PFKFB3: variants seen among roughly 807,000 people sequenced by gnomAD.
PFKFB3 encodes the protein 6-phosphofructo-2-kinase/fructose-2,6-bisphosphatase 3.
Under a neutral mutation model 68.0 loss-of-function variants are expected in PFKFB3, and 33 were observed. That is an observed-to-expected ratio of 0.49 (90% CI 0.37 to 0.65). The LOEUF is 0.65. Among genes scored for constraint, PFKFB3 ranks in the 30% least tolerant of loss-of-function variants. The pLI is 0.00. For synonymous variants in PFKFB3, 315 were observed against 288.2 expected, an observed-to-expected ratio of 1.09 and a Z score of -0.94; for missense variants, 586 against 712.2, an observed-to-expected ratio of 0.82 and a Z score of 2.02.
intron 1 of PFKFB3, among the ~76,000 whole-genome samples, chr10:6,183,247 C>T (rs1484629218): frequency 1.3e-5 from 2 of 152,212 alleles, no homozygotes; most frequent in East Asian, 3.8e-4. Context: ...ATAAGCCACA[C>T]AGGAGAAAAG....
chr10:6,148,466 G>A (rs890053958), intron 1 of PFKFB3, among the ~76,000 whole-genome samples: 13 of 152,330 alleles, frequency 8.5e-5, no homozygotes, highest in African/African-American at 2.9e-4. Flanking sequence ...AGCAGCAGCT[G>A]ACAGTGGCAG....
Position 6,203,381 on chromosome 10 carries a change from G to A in PFKFB3, c.76+45G>A, listed in dbSNP as rs748292796. ...GCCGGGTTGCAGGGCGGGCTGCGCC[G>A]GGCCGGGCCATTGTGTGGGGCGGCT... On this transcript the variant is annotated intron_variant, in intron 1 of 14. Transcript: ENST00000379775. 4.0e-6 allele frequency: 6 copies of A among 1,497,588 alleles called. No homozygotes were observed. In the African/African-American group the frequency reaches 5.8e-5, roughly 14 times the overall value. 92.8% of individuals were successfully genotyped at this position (1,497,588 alleles called of 1,614,324 possible). A position where few individuals can be genotyped will look rare whatever the true frequency, so the allele number is the denominator to read the frequency against.
At chr10:6,212,219 C>T (rs941206990) in intron 1 of PFKFB3, among the ~76,000 whole-genome samples, 12 of 152,262 alleles carry the variant, frequency 7.9e-5, no homozygotes, top group African/African-American at 2.7e-4. Flanking sequence ...TCATCTGGCC[C>T]TGGAGCTTGC....
chr10:6,167,839 T>C lies in PFKFB3; in HGVS notation c.16+22826T>C, dbSNP rs1315254790. The stretch of plus-strand genomic sequence containing the variant: ...TCCTACGCCCTTAGGTGTTAAGGAA[T>C]TGGATATCTATGGAGATAGCCAGCC... On this transcript the variant is annotated intron_variant, in intron 1 of 14. Coordinates refer to the PFKFB3 transcript ENST00000379789. Among the ~76,000 whole-genome samples the C allele has an allele frequency of 2.0e-5, 3 of 152,202 alleles. No homozygotes were observed. The East Asian group carries it at 5.8e-4, about 29-fold the overall frequency.
At chr10:6,231,064 ACAACTGTC>A (rs1845707526) in intron 14 of PFKFB3, among the ~76,000 whole-genome samples, 2 of 152,080 alleles carry the variant, frequency 1.3e-5, no homozygotes, top group Non-Finnish European at 2.9e-5. Flanking sequence ...ATGGGGACGA[ACAACTGTC>A]CGGACCTGGT....
At chr10:6,221,286 A>T in intron 8 of PFKFB3, 95 bp from the exon 9 acceptor site, 1 of 1,441,860 alleles carries the variant, frequency 6.9e-7, no homozygotes, top group Non-Finnish European at 9.4e-7. Flanking sequence ...GTAACCAGGT[A>T]GTGCACAGCC....
rs772737404 is a variant in PFKFB3, at chr10:6,215,333, G to C, written c.299+16G>C. On this transcript the variant is annotated intron_variant, in intron 3 of 14. Transcript: ENST00000379775. The surrounding 1 kb of genome is among the most constrained non-coding windows in gnomAD (Gnocchi z 4.3). ...AAGTCCGGAAGTAAGGCTGGGCCGC[G>C]GGCGTAGGGCTGGGCTGTGGGAATA... 1 of 1,598,198 alleles carries C rather than the reference G, an allele frequency of 6.3e-7. No homozygotes were observed. Among genetic ancestry groups the C allele is most frequent in the African/African-American group, 1.3e-5 (1 of 74,480 alleles).
chr10:6,192,664 CGTGTGTGTGTGTGTGTGTGTGTGTGT>C (rs34129264), intron 1 of PFKFB3, among the ~76,000 whole-genome samples: 1 of 128,792 alleles, frequency 7.8e-6, no homozygotes, highest in Non-Finnish European at 1.7e-5. Context: ...TCCCCTCACC[CGTGTGTGTGTGTGTGTGTGTGTGTGT>C]GTGTGTGTGT....
intron 1 of PFKFB3, among the ~76,000 whole-genome samples, chr10:6,206,927 A>G (rs71479764): frequency 0.018 from 1,450 of 78,984 alleles, 3 homozygotes; most frequent in Non-Finnish European, 0.024. Context: ...ATGGGCGGCC[A>G]GGCAGAGACA....
At chr10:6,146,646 T>C in intron 1 of PFKFB3, 1 of 778,846 alleles carries the variant, frequency 1.3e-6, no homozygotes, top group Non-Finnish European at 2.0e-6. Context: ...GTTGGGAAAC[T>C]CCTAAAAGGG....
downstream of PFKFB3, among the ~76,000 whole-genome samples, chr10:6,239,670 A>G (rs1054334220): frequency 6.6e-6 from 1 of 152,078 alleles, no homozygotes; most frequent in Admixed American, 6.6e-5. Flanking sequence ...GAGAACATGA[A>G]GACTTTCTAA....
intron 14 of PFKFB3, among the ~76,000 whole-genome samples, chr10:6,244,326 G>C (rs1389886733): frequency 1.3e-5 from 2 of 152,216 alleles, no homozygotes; most frequent in East Asian, 3.8e-4. Flanking sequence ...CAAACTTCCT[G>C]TTTCCCAGGC....
chr10:6,218,764 C>T (rs1292389799), intron 6 of PFKFB3, among the ~76,000 whole-genome samples: 1 of 152,082 alleles, frequency 6.6e-6, no homozygotes, highest in African/African-American at 2.4e-5. Flanking sequence ...TGCAGTACAG[C>T]AGCAAATTAT....
Position 6,232,737 on chromosome 10 carries a change from C to T in PFKFB3, c.1516-158C>T, listed in dbSNP as rs562467431. ...TCTGAGGCCCACCTGGGCTCTCTCC[C>T]GCCTGTGAGGTTGGCAGCACCTTTC... On this transcript the variant is annotated intron_variant, in intron 14 of 14. Coordinates refer to ENST00000379775, the MANE Select transcript of PFKFB3 (RefSeq NM_004566.4). Among the ~76,000 whole-genome samples the T allele has an allele frequency of 4.3e-4, 65 of 152,318 alleles. No individual in the cohort carries two copies. The South Asian group carries it at 8.7e-3, about 20-fold the overall frequency.
chr10:6,157,372 G>A (rs896157151), intron 1 of PFKFB3, among the ~76,000 whole-genome samples: 4 of 151,966 alleles, frequency 2.6e-5, no homozygotes, highest in East Asian at 2.0e-4. Flanking sequence ...GACTACAGGC[G>A]CCCGCCGCCC....
intron 1 of PFKFB3, among the ~76,000 whole-genome samples, chr10:6,213,340 C>G (rs371454380): frequency 3.9e-5 from 6 of 152,022 alleles, no homozygotes; most frequent in African/African-American, 1.5e-4. Context: ...GGCAACACAG[C>G]GAGACCCCAT....
At chr10:6,281,182 T>TATATATATATATATATATATATATAC in the PFKFB3 span, among the ~76,000 whole-genome samples, 136 of 133,626 alleles carry the variant, frequency 1.0e-3, 1 homozygote, top group African/African-American at 3.3e-3. Context: ...TATATATATA[T>TATATATATATATATATATATATATAC]ACACCACAGT....
chr10:6,237,955 G>A (rs892100801), downstream of PFKFB3, among the ~76,000 whole-genome samples: 17 of 144,014 alleles, frequency 1.2e-4, no homozygotes, highest in African/African-American at 4.1e-4. Context: ...TGTGTGAGCC[G>A]GTCTTTCCAG....
the PFKFB3 span, among the ~76,000 whole-genome samples, chr10:6,279,686 C>T: frequency 2.6e-5 from 4 of 152,120 alleles, no homozygotes; most frequent in African/African-American, 4.8e-5. Context: ...CAGCATGAGG[C>T]GGCAATCAGA....
Sources: allele counts gnomAD v4.1 joint callset (sites outside exome capture counted in the v4.1 genomes callset), GRCh38; gene constraint gnomAD v4.1.1; non-coding constraint Gnocchi (gnomAD v3.1); transcripts MANE v1.5; gene names NCBI Gene and HGNC (gene_info 2026-07-23, HGNC 2026-07-21).